CDH7: variants seen among roughly 807,000 people sequenced by gnomAD.
CDH7 encodes the protein cadherin 7.
Under a neutral mutation model 71.8 loss-of-function variants are expected in CDH7, and 25 were observed. That is an observed-to-expected ratio of 0.35 (90% CI 0.25 to 0.49). The LOEUF is 0.49. Ranked by LOEUF, CDH7 falls within the 20% of genes least tolerant of loss-of-function variation. The pLI is 0.99. For missense variants in CDH7, 862 were observed against 974.6 expected, an observed-to-expected ratio of 0.88 and a Z score of 1.54; for synonymous variants, 381 against 363.8, an observed-to-expected ratio of 1.05 and a Z score of -0.54.
At chr18:65,879,782 T>C (rs1599071088) in intron 11 of CDH7, among the ~76,000 whole-genome samples, 2 of 152,338 alleles carry the variant, frequency 1.3e-5, no homozygotes, top group Admixed American at 1.3e-4. Context: ...TCACAGCTTG[T>C]ATTCTGTCTG....
chr18:65,877,443 G>T (rs1914104417), intron 11 of CDH7, among the ~76,000 whole-genome samples: 4 of 151,894 alleles, frequency 2.6e-5, no homozygotes, highest in South Asian at 2.1e-4. Context: ...TATAATTAAA[G>T]AATTTATAAT....
intron 8 of CDH7, 148 bp downstream of exon 8, chr18:65,858,100 A>G (rs536906992): frequency 3.0e-6 from 2 of 676,252 alleles, no homozygotes; most frequent in East Asian, 2.9e-5. Context: ...AAGCTGTGAA[A>G]TATACTTATC....
Position 65,778,529 on chromosome 18 carries a change from C to CTTTTTTTT in CDH7, c.210+15490_210+15497dup, listed in dbSNP as rs1156727313. Among the ~76,000 whole-genome samples, 187 of 84,296 alleles carry CTTTTTTTT rather than the reference C, an allele frequency of 2.2e-3. 16 individuals are homozygous for CTTTTTTTT. Among genetic ancestry groups the CTTTTTTTT allele is most frequent in the African/African-American group, 7.7e-3 (174 of 22,600 alleles). 55.3% of individuals were successfully genotyped at this position (84,296 alleles called of 152,430 possible). A position where few individuals can be genotyped will look rare whatever the true frequency, so the allele number is the denominator to read the frequency against. ...AATTTTTTGCCCCAGGCGTCTCACT[C>CTTTTTTTT]TTTTTTTTTTTTTTTTTTTTACATA... On this transcript the variant is annotated intron_variant, in intron 2 of 11. Coordinates refer to ENST00000397968, the MANE Select transcript of CDH7 (RefSeq NM_004361.5).
Position 65,862,680 on chromosome 18 carries a change from A to G in CDH7, c.1627A>G (p.Ile543Val), listed in dbSNP as rs1913609276. The change falls in exon 11 of 12, where the codon ATA becomes GTA. Residue 543 changes from isoleucine (I) to valine (V), a missense_variant. Ile to Val is a conservative substitution (Grantham distance 29, BLOSUM62 3). Coordinates refer to ENST00000397968, the MANE Select transcript of CDH7 (RefSeq NM_004361.5). ...CGTTATCCTAGACAACACAGCCTCA[A>G]TACTGACCAGGAGAAACGGCTTCCG... ...LKDNKDNTASILTRRNGFRRQ... is the reference protein window; with the variant it reads ...LKDNKDNTASVLTRRNGFRRQ... The G allele has an allele frequency of 6.2e-7, 1 of 1,614,158 alleles. No homozygotes were observed. Among genetic ancestry groups the G allele is most frequent in the East Asian group, 2.2e-5 (1 of 44,862 alleles).
In CDH7 at chr18:65,884,765, T is replaced by G. The variant is rs1269659761; in HGVS notation, c.*3871T>G. 6.6e-6 allele frequency: 1 copy of G among 152,220 alleles called. No homozygotes were observed. The highest frequency in any genetic ancestry group is 6.5e-5 in the Admixed American group (1 of 15,280). The allele number at this position is 152,220 out of a possible 1,614,324, so 9.4% of individuals were successfully genotyped here. ...AAATGATTTAAACATGTTAAAGTTT[T>G]AAAGCACTAGCTGTAAATATTAATC... is the stretch of plus-strand genomic sequence containing the variant. On this transcript the variant is annotated 3_prime_UTR_variant, in exon 12 of 12. Coordinates refer to ENST00000397968, the MANE Select transcript of CDH7 (RefSeq NM_004361.5).
Position 65,844,579 on chromosome 18 carries a change from ATCTTT to A in CDH7, c.1235+517_1235+521del, listed in dbSNP as rs781646151. ...GCTACATATAAAGACTATTAAAAAT[ATCTTT>A]TCAGTAGTCTTGTATCTAGGCTAGA... is the stretch of plus-strand genomic sequence containing the variant. On this transcript the variant is annotated intron_variant, in intron 7 of 11. Coordinates refer to ENST00000397968, the MANE Select transcript of CDH7 (RefSeq NM_004361.5). 7.9e-4 allele frequency among the ~76,000 whole-genome samples: 121 copies of A among 152,228 alleles called. 1 individual carries two copies. The highest frequency in any genetic ancestry group is 1.2e-3 in the Non-Finnish European group (81 of 67,972).
At chr18:65,775,797 C>T (rs1568178097) in intron 2 of CDH7, among the ~76,000 whole-genome samples, 1 of 152,124 alleles carries the variant, frequency 6.6e-6, no homozygotes. Flanking sequence ...CAAGGAAGAA[C>T]TCAAGCAAGA....
intron 10 of CDH7, among the ~76,000 whole-genome samples, chr18:65,861,313 C>T (rs1418421950): frequency 2.3e-5 from 3 of 131,166 alleles, no homozygotes; most frequent in African/African-American, 9.0e-5. Flanking sequence ...AGCTTGTGTT[C>T]CTCAATTCAC....
chr18:65,868,636 A>G (rs1270341683), intron 11 of CDH7, among the ~76,000 whole-genome samples: 1 of 152,194 alleles, frequency 6.6e-6, no homozygotes, highest in African/African-American at 2.4e-5. Context: ...TGTCTATTTT[A>G]TAGTATCTTC....
chr18:65,798,917 G>A (rs1256418071), intron 2 of CDH7, among the ~76,000 whole-genome samples: 2 of 152,086 alleles, frequency 1.3e-5, no homozygotes, highest in Non-Finnish European at 2.9e-5. Context: ...GTGCCCTAGA[G>A]TCAGCCCCTT....
intron 2 of CDH7, among the ~76,000 whole-genome samples, chr18:65,804,472 CTTTTA>C (rs969468019): frequency 1.3e-5 from 2 of 152,132 alleles, no homozygotes; most frequent in African/African-American, 4.8e-5. Flanking sequence ...CATTATCAGA[CTTTTA>C]TTTAAGCAGA....
chr18:65,834,356 C>A (rs946409625), intron 6 of CDH7, among the ~76,000 whole-genome samples: 12 of 152,070 alleles, frequency 7.9e-5, no homozygotes, highest in Admixed American at 2.0e-4. Context: ...ATAGTACATT[C>A]TTATGTCTAG....
At chr18:65,793,013 C>T (rs1910769174) in intron 2 of CDH7, among the ~76,000 whole-genome samples, 1 of 152,110 alleles carries the variant, frequency 6.6e-6, no homozygotes, top group Admixed American at 6.6e-5. Context: ...ACTGGTTTAT[C>T]TCACTCTTCT....
intron 7 of CDH7, among the ~76,000 whole-genome samples, chr18:65,849,350 TTTTCTTTTC>T (rs778337304): frequency 0.09 from 9,950 of 110,144 alleles, 1,024 homozygotes; most frequent in East Asian, 0.18. Flanking sequence ...TTTTCTTTTC[TTTTCTTTTC>T]TTTTCTTTTC....
At chr18:65,752,402 A>G (rs1356465527) in intron 1 of CDH7, among the ~76,000 whole-genome samples, 1 of 152,240 alleles carries the variant, frequency 6.6e-6, no homozygotes, top group African/African-American at 2.4e-5. Context: ...ATATCTAAAT[A>G]GTTTTAAGAG....
intron 6 of CDH7, among the ~76,000 whole-genome samples, chr18:65,835,156 G>A (rs1182946817): frequency 6.6e-6 from 1 of 152,100 alleles, no homozygotes; most frequent in African/African-American, 2.4e-5. Context: ...TTCCAAGAAT[G>A]GTAAGAACAG....
At chr18:65,801,790 G>A (rs565754031) in intron 2 of CDH7, among the ~76,000 whole-genome samples, 31 of 152,322 alleles carry the variant, frequency 2.0e-4, no homozygotes, top group African/African-American at 7.2e-4. Context: ...CTCTTTAGAT[G>A]ATACAAGTGT....
intron 1 of CDH7, among the ~76,000 whole-genome samples, chr18:65,762,104 A>C (rs2143786280): frequency 6.6e-6 from 1 of 152,320 alleles, no homozygotes; most frequent in East Asian, 1.9e-4. Flanking sequence ...ACATCAAAAC[A>C]GCTGGTGTTC....
At chr18:65,826,240 CTT>C (rs56375115) in intron 6 of CDH7, among the ~76,000 whole-genome samples, 35,047 of 150,894 alleles carry the variant, frequency 0.23, 4,212 homozygotes, top group Non-Finnish European at 0.27. Flanking sequence ...TTGATTCTAA[CTT>C]ATAACAATAG....
Sources: allele counts gnomAD v4.1 joint callset (sites outside exome capture counted in the v4.1 genomes callset), GRCh38; gene constraint gnomAD v4.1.1; transcripts MANE v1.5; gene names NCBI Gene and HGNC (gene_info 2026-07-23, HGNC 2026-07-21).